ITGAM: variants seen among roughly 807,000 people sequenced by gnomAD.
ITGAM encodes the protein integrin subunit alpha M.
In ITGAM, 79 loss-of-function variants were observed where a neutral mutation model predicts 137.5. The observed-to-expected ratio is 0.57, with a 90% confidence interval of 0.48 to 0.69. The LOEUF (loss-of-function observed/expected upper bound fraction) is 0.69, where lower values mean the gene tolerates loss of function less well. Ranked by LOEUF, ITGAM falls within the 30% of genes least tolerant of loss-of-function variation. The pLI, the probability that ITGAM is intolerant of heterozygous loss-of-function variation, is 0.00. For missense variants in ITGAM, 1,343 were observed against 1,483.5 expected, an observed-to-expected ratio of 0.91 and a Z score of 1.56; for synonymous variants, 583 against 592.3, an observed-to-expected ratio of 0.98 and a Z score of 0.23.
intron 26 of ITGAM, 63 bp downstream of exon 26, chr16:31,330,227 G>GT: frequency 6.3e-7 from 1 of 1,593,928 alleles, no homozygotes; most frequent in Non-Finnish European, 8.6e-7. Context: ...GCTGGAACCT[G>GT]TATGGTCTCT....
At chr16:31,299,454 A>T (rs547135806) in intron 14 of ITGAM, among the ~76,000 whole-genome samples, 1 of 151,920 alleles carries the variant, frequency 6.6e-6, no homozygotes, top group African/African-American at 2.4e-5. Context: ...GATTACAAGC[A>T]TGCACCACCA....
chr16:31,318,119 T>C (rs1033466073), intron 14 of ITGAM, among the ~76,000 whole-genome samples: 2 of 152,192 alleles, frequency 1.3e-5, no homozygotes, highest in African/African-American at 2.4e-5. Flanking sequence ...GTTTAAACTT[T>C]CTATTGCCTT....
intron 3 of ITGAM, 49 bp downstream of exon 3, chr16:31,265,547 A>G (rs916124900): frequency 2.2e-5 from 28 of 1,278,672 alleles, no homozygotes; most frequent in African/African-American, 2.1e-4. Flanking sequence ...CTGTGAACAC[A>G]TAGGGACTTT....
intron 12 of ITGAM, among the ~76,000 whole-genome samples, chr16:31,281,983 A>G (rs1322046171): frequency 1.3e-5 from 2 of 152,188 alleles, no homozygotes; most frequent in East Asian, 3.8e-4. Context: ...TGTATCCAGT[A>G]GTCATTCAGG....
intron 21 of ITGAM, 51 bp from the exon 22 acceptor site, chr16:31,326,805 T>C: frequency 7.9e-7 from 1 of 1,264,666 alleles, no homozygotes; most frequent in South Asian, 1.2e-5. Flanking sequence ...GGCATTTGGG[T>C]TATTTTTTCT....
intron 5 of ITGAM, among the ~76,000 whole-genome samples, chr16:31,267,836 G>A (rs1209022162): frequency 6.6e-6 from 1 of 151,936 alleles, no homozygotes; most frequent in African/African-American, 2.4e-5. Context: ...TAGAGATGGG[G>A]TTTCACCTTG....
At chr16:31,299,036 T>C (rs1486097783) in intron 14 of ITGAM, among the ~76,000 whole-genome samples, 1 of 152,182 alleles carries the variant, frequency 6.6e-6, no homozygotes, top group Non-Finnish European at 1.5e-5. Flanking sequence ...TGGCCTCTGG[T>C]CTCTGGGTTT....
intron 2 of ITGAM, among the ~76,000 whole-genome samples, chr16:31,263,281 A>T (rs1160310904): frequency 6.6e-6 from 1 of 152,232 alleles, no homozygotes. Flanking sequence ...CTTGTTAATG[A>T]ACATTTAGAT....
chr16:31,267,943 C>T (rs566176243), intron 5 of ITGAM, among the ~76,000 whole-genome samples: 1 of 152,236 alleles, frequency 6.6e-6, no homozygotes, highest in South Asian at 2.1e-4. Flanking sequence ...TGCGCCTGGC[C>T]CAGCATCTCT....
rs752427882 is a variant in ITGAM at position 31,273,438 on chromosome 16, G to GA, written c.782dup (p.Phe262ValfsTer8). 14 of 1,613,814 alleles carry GA rather than the reference G, an allele frequency of 8.7e-6. No homozygotes were observed. The highest frequency in any genetic ancestry group is 1.0e-5 in the Non-Finnish European group (12 of 1,179,856). Reference sequence around the variant, plus strand: ...GATCCTAGTTGTCATCACGGATGGAGAAAAGTTTGGCGATCCCTTGGGATA... The same window carrying GA: ...GATCCTAGTTGTCATCACGGATGGAGAAAAAGTTTGGCGATCCCTTGGGATA... On this transcript the variant is annotated frameshift_variant, in exon 8 of 30. Transcript: ENST00000544665. LOFTEE classifies it high-confidence loss of function.
intron 21 of ITGAM, among the ~76,000 whole-genome samples, chr16:31,326,341 A>T (rs1376618618): frequency 6.6e-6 from 1 of 152,208 alleles, no homozygotes; most frequent in Non-Finnish European, 1.5e-5. Flanking sequence ...CATAATATTA[A>T]GCAAGGACTT....
intron 14 of ITGAM, among the ~76,000 whole-genome samples, chr16:31,319,413 T>C (rs989454220): frequency 6.6e-6 from 1 of 152,176 alleles, no homozygotes; most frequent in Non-Finnish European, 1.5e-5. Context: ...AAATGGCCAT[T>C]TCATCATTAT....
At chr16:31,280,141 C>T (rs1321991258) in intron 12 of ITGAM, among the ~76,000 whole-genome samples, 1 of 152,116 alleles carries the variant, frequency 6.6e-6, no homozygotes, top group African/African-American at 2.4e-5. Flanking sequence ...TTACTGTAGT[C>T]TTGTAATATA....
chr16:31,291,096 T>A (rs1234366614), intron 12 of ITGAM, among the ~76,000 whole-genome samples: 3 of 152,156 alleles, frequency 2.0e-5, no homozygotes, highest in Admixed American at 1.3e-4. Flanking sequence ...AGAGACGCTG[T>A]GGTCATGGAT....
At chr16:31,260,349 C>T (rs1009889182) in intron 1 of ITGAM, among the ~76,000 whole-genome samples, 1 of 152,206 alleles carries the variant, frequency 6.6e-6, no homozygotes, top group Admixed American at 6.5e-5. Context: ...CATGAGGAGA[C>T]GGAGGCCCAG....
At chr16:31,309,959 T>A (rs1384401319) in intron 14 of ITGAM, among the ~76,000 whole-genome samples, 2 of 152,054 alleles carry the variant, frequency 1.3e-5, no homozygotes, top group East Asian at 1.9e-4. Context: ...ATTCTTTCCT[T>A]TAAGAATGTT....
rs1364279989 is a variant in ITGAM at position 31,303,831 on chromosome 16, A to G, written c.1707+5877A>G. On this transcript the variant is annotated intron_variant, in intron 14 of 29. Transcript: ENST00000544665. ...TATATATACACATATACACACACAC[A>G]TATATATAACTTTTTAAAATCCACT... 2.0e-5 allele frequency among the ~76,000 whole-genome samples: 3 copies of G among 152,030 alleles called. No individual in the cohort carries two copies. In the East Asian group the frequency reaches 5.8e-4, roughly 29 times the overall value.
chr16:31,302,483 CT>C (rs34797781), intron 14 of ITGAM, among the ~76,000 whole-genome samples: 15,326 of 77,080 alleles, frequency 0.2, 1,106 homozygotes, highest in African/African-American at 0.34. Flanking sequence ...TTCTTTCTTT[CT>C]TTTTTCTTTC....
chr16:31,315,386 G>A (rs773010319), intron 14 of ITGAM, among the ~76,000 whole-genome samples: 8 of 152,036 alleles, frequency 5.3e-5, no homozygotes, highest in Non-Finnish European at 8.8e-5. Context: ...TTCCCTCTAC[G>A]TTTCCTTCTA....
Sources: gnomAD v4.1 joint callset for allele counts (sites outside exome capture counted in the v4.1 genomes callset) on GRCh38, gnomAD v4.1.1 for gene constraint, MANE v1.5 for transcripts, NCBI Gene and HGNC (gene_info 2026-07-23, HGNC 2026-07-21) for gene names.